Variants in ITCH observed in about 807,000 individuals in gnomAD.
The protein encoded by ITCH is E3 ubiquitin-protein ligase Itchy homolog.
Under a neutral mutation model 126.8 loss-of-function variants are expected in ITCH, and 28 were observed. That is an observed-to-expected ratio of 0.22 (90% CI 0.16 to 0.30). ITCH has a LOEUF of 0.30. Among genes scored for constraint, ITCH ranks in the 10% least tolerant of loss-of-function variants. The probability of loss-of-function intolerance (pLI) is 1.00; values close to 1 mark genes in which losing one functional copy is unlikely to be tolerated. For synonymous variants in ITCH, 342 were observed against 340.0 expected (o/e 1.01, Z -0.06); for missense variants, 631 against 1,032.4 (o/e 0.61, Z 5.33).
intron 3 of ITCH, among the ~76,000 whole-genome samples, chr20:34,405,861 T>A (rs904656765): frequency 4.6e-5 from 7 of 152,000 alleles, no homozygotes; most frequent in Non-Finnish European, 5.9e-5. Flanking sequence ...TGGGCTCAAG[T>A]GATCCTCCCG....
At chr20:34,451,220 G>A (rs1209914198) in intron 12 of ITCH, among the ~76,000 whole-genome samples, 7 of 151,872 alleles carry the variant, frequency 4.6e-5, no homozygotes, top group Admixed American at 3.9e-4. Context: ...AACCCGGGAG[G>A]CGGAGGTTGC....
At chr20:34,367,000 T>G (rs1480309109) in intron 1 of ITCH, among the ~76,000 whole-genome samples, 1 of 152,154 alleles carries the variant, frequency 6.6e-6, no homozygotes. Context: ...GAGGATTTTT[T>G]TTTAGAGCTA....
intron 23 of ITCH, among the ~76,000 whole-genome samples, chr20:34,495,676 C>T (rs113391317): frequency 2.6e-5 from 4 of 151,982 alleles, no homozygotes; most frequent in African/African-American, 9.6e-5. Flanking sequence ...TTTCTTTATC[C>T]GTTTACCTGA....
intron 3 of ITCH, among the ~76,000 whole-genome samples, chr20:34,406,056 C>G (rs958956841): frequency 6.7e-6 from 1 of 150,116 alleles, no homozygotes; most frequent in African/African-American, 2.5e-5. Context: ...CAGTTTTGCT[C>G]TGTTGCCCAG....
intron 2 of ITCH, among the ~76,000 whole-genome samples, chr20:34,389,530 A>C (rs971611255): frequency 2.0e-5 from 3 of 152,118 alleles, no homozygotes; most frequent in Admixed American, 6.6e-5. Context: ...AAAGAGAAAC[A>C]CTTGAGGGTG....
At chr20:34,464,003 C>G (rs1389811844) in intron 14 of ITCH, among the ~76,000 whole-genome samples, 1 of 151,912 alleles carries the variant, frequency 6.6e-6, no homozygotes, top group Non-Finnish European at 1.5e-5. Context: ...GAGACAGTCT[C>G]TCTCTCTGTC....
chr20:34,372,729 A>G (rs2037688323), intron 2 of ITCH, among the ~76,000 whole-genome samples: 1 of 152,068 alleles, frequency 6.6e-6, no homozygotes, highest in Non-Finnish European at 1.5e-5. Context: ...TAGGAAACGT[A>G]AGTATAGAAA....
intron 24 of ITCH, among the ~76,000 whole-genome samples, chr20:34,505,742 G>T (rs1487296384): frequency 6.6e-6 from 1 of 151,908 alleles, no homozygotes; most frequent in African/African-American, 2.4e-5. Flanking sequence ...TTTTAGTAGA[G>T]ACGGGGTTTC....
intron 2 of ITCH, among the ~76,000 whole-genome samples, chr20:34,371,036 C>T (rs901614446): frequency 2.6e-5 from 4 of 151,258 alleles, no homozygotes; most frequent in Non-Finnish European, 4.4e-5. Context: ...GGTGTGGTGG[C>T]GGGCGCCTGT....
At chr20:34,410,350 G>A (rs377269109) in intron 4 of ITCH, among the ~76,000 whole-genome samples, 1 of 150,314 alleles carries the variant, frequency 6.7e-6, no homozygotes, top group East Asian at 2.0e-4. Context: ...GTTCCAGCCA[G>A]GGTGACAAGT....
At chr20:34,384,093 C>G (rs967568572) in intron 2 of ITCH, 1 of 151,882 alleles carries the variant, frequency 6.6e-6, no homozygotes. Context: ...ATCCACCTGC[C>G]TCAGCCTCCC....
chr20:34,476,320 G>A (rs891643703), intron 16 of ITCH: 13 of 1,103,680 alleles, frequency 1.2e-5, no homozygotes, highest in Admixed American at 5.6e-5. Flanking sequence ...CACGCTCAGC[G>A]GCCGGCTCGC....
At chr20:34,369,957 T>G (rs2037557224) in intron 2 of ITCH, among the ~76,000 whole-genome samples, 1 of 151,526 alleles carries the variant, frequency 6.6e-6, no homozygotes, top group African/African-American at 2.4e-5. Flanking sequence ...TAAAAAAAAA[T>G]CAGCTGGTGT....
At chr20:34,489,207 T>A (rs1989346794) in intron 20 of ITCH, 59 bp from the exon 21 acceptor site, 2 of 1,460,580 alleles carry the variant, frequency 1.4e-6, no homozygotes, top group Admixed American at 1.8e-5. Flanking sequence ...ATTTTTATAC[T>A]CAGAATTTAA....
At chr20:34,366,285 C>A (rs915719285) in intron 1 of ITCH, among the ~76,000 whole-genome samples, 1 of 152,066 alleles carries the variant, frequency 6.6e-6, no homozygotes, top group Non-Finnish European at 1.5e-5. Context: ...CACCCAGTCA[C>A]GCAGGATGGA....
chr20:34,476,171 C>T, intron 16 of ITCH: 2 of 801,626 alleles, frequency 2.5e-6, no homozygotes, highest in Non-Finnish European at 2.3e-6. Flanking sequence ...GCACCAAAGC[C>T]ATCAATATCT....
rs1568998842 is a variant in ITCH at position 34,489,869 on chromosome 20, A to G, written c.2262A>G (p.Arg754=). The change falls in exon 22 of 25, where the codon AGA becomes AGG. Residue 754 remains arginine, a synonymous_variant. Transcript: ENST00000374864. ...AGATTGATTTGAATGACTGGCAAAG[A>G]CATGCCATCTACCGTCATTATGCAA... ...MQEIDLNDWQ[R]HAIYRHYART... The G allele has an allele frequency of 6.2e-7, 1 of 1,613,998 alleles. No individual in the cohort carries two copies. Among genetic ancestry groups the G allele is most frequent in the East Asian group, 2.2e-5 (1 of 44,864 alleles).
chr20:34,385,638 A>G (rs2038254703), intron 2 of ITCH, among the ~76,000 whole-genome samples: 1 of 152,178 alleles, frequency 6.6e-6, no homozygotes, highest in African/African-American at 2.4e-5. Flanking sequence ...CAGCAAATGA[A>G]TGCTAAAAGT....
At position 34,438,382 on chromosome 20, in the gene ITCH, G is replaced by T. The variant is rs182273309; in HGVS notation, c.522-92G>T. On this transcript the variant is annotated intron_variant, in intron 7 of 24. Transcript: ENST00000374864. ...CTTTTTTGAAGCTCTTAAAAACTTA[G>T]AAGTTTTCATCCTCCTGCTGTTTTT... The T allele has an allele frequency of 1.1e-4, 157 of 1,374,424 alleles. 1 individual carries two copies. The African/African-American group carries it at 1.9e-3, about 16-fold the overall frequency. 85.1% of individuals were successfully genotyped at this position (1,374,424 alleles called of 1,614,324 possible).
Sources: gnomAD v4.1 joint callset for allele counts (sites outside exome capture counted in the v4.1 genomes callset) on GRCh38, gnomAD v4.1.1 for gene constraint, MANE v1.5 for transcripts, NCBI Gene and HGNC (gene_info 2026-07-23, HGNC 2026-07-21) for gene names.